The following LRCH1 variants were observed in gnomAD, a reference collection of about 807,000 sequenced individuals.
LRCH1 encodes the protein leucine rich repeats and calponin homology domain containing 1, also known as leucine-rich repeat and calponin homology domain-containing protein 1.
In LRCH1, 23 loss-of-function variants were observed where a neutral mutation model predicts 94.9. The ratio of observed to expected loss-of-function variants is 0.24; its 90% CI spans 0.17 to 0.34. The LOEUF (loss-of-function observed/expected upper bound fraction) is 0.34. Ranked by LOEUF, LRCH1 falls within the 10% of genes least tolerant of loss-of-function variation. The pLI, the probability that LRCH1 is intolerant of heterozygous loss-of-function variation, is 1.00. For synonymous variants in LRCH1, 364 were observed against 354.9 expected, an observed-to-expected ratio of 1.03 and a Z score of -0.29; for missense variants, 790 against 945.9, an observed-to-expected ratio of 0.84 and a Z score of 2.16.
chr13:46,602,763 G>A (rs2050641777), intron 1 of LRCH1, among the ~76,000 whole-genome samples: 1 of 152,036 alleles, frequency 6.6e-6, no homozygotes, highest in South Asian at 2.1e-4. Context: ...GACTAGATTG[G>A]GCAACATGGT....
chr13:46,670,415 C>G (rs1360978021), intron 3 of LRCH1, among the ~76,000 whole-genome samples: 3 of 152,170 alleles, frequency 2.0e-5, no homozygotes, highest in African/African-American at 7.2e-5. Context: ...CTCTTCCATA[C>G]AACGGCAGAG....
At chr13:46,570,917 G>T (rs940548952) in intron 1 of LRCH1, among the ~76,000 whole-genome samples, 1 of 152,192 alleles carries the variant, frequency 6.6e-6, no homozygotes, top group Non-Finnish European at 1.5e-5. Flanking sequence ...TTTTTAAATT[G>T]CTGTGTGGTT....
At chr13:46,741,051 T>G (rs1873627406) in intron 19 of LRCH1, among the ~76,000 whole-genome samples, 1 of 152,156 alleles carries the variant, frequency 6.6e-6, no homozygotes, top group Non-Finnish European at 1.5e-5. Flanking sequence ...TGCAAAAATA[T>G]GAAATGTAAT....
Position 46,705,265 on chromosome 13 carries a change from C to T in LRCH1, c.1491-3C>T. 1 of 1,612,030 alleles carries T rather than the reference C, an allele frequency of 6.2e-7. No individual in the cohort carries two copies. Among genetic ancestry groups the T allele is most frequent in the South Asian group, 1.1e-5 (1 of 90,594 alleles). On this transcript the variant is annotated splice_region_variant and splice_polypyrimidine_tract_variant and intron_variant, in intron 12 of 19. Coordinates refer to ENST00000389797, the MANE Select transcript of LRCH1 (RefSeq NM_001164211.2). Reference sequence around the variant, plus strand: ...CTTTTTTTTTCTTTCCTTGTTCTCACAGTGGTCAAATACAGCTGGAGACAT... The same window carrying T: ...CTTTTTTTTTCTTTCCTTGTTCTCATAGTGGTCAAATACAGCTGGAGACAT...
At chr13:46,685,878 CT>C (rs766841946) in intron 4 of LRCH1, 26 bp from the exon 5 acceptor site, 2 of 1,463,470 alleles carry the variant, frequency 1.4e-6, no homozygotes, top group Admixed American at 5.2e-5. Flanking sequence ...TTTTTTCTTT[CT>C]TTTTTTCTTT....
chr13:46,609,954 G>A (rs2050729701), intron 1 of LRCH1, among the ~76,000 whole-genome samples: 1 of 152,060 alleles, frequency 6.6e-6, no homozygotes, highest in African/African-American at 2.4e-5. Context: ...TGTGAATAAA[G>A]AAAAAAAGAT....
intron 16 of LRCH1, among the ~76,000 whole-genome samples, chr13:46,722,770 A>G (rs940028329): frequency 6.6e-6 from 1 of 152,250 alleles, no homozygotes; most frequent in African/African-American, 2.4e-5. Context: ...CAGGCTTACA[A>G]AAAACTTTAT....
intron 1 of LRCH1, among the ~76,000 whole-genome samples, chr13:46,648,623 A>AT (rs1416434596): frequency 2.6e-5 from 4 of 152,090 alleles, no homozygotes; most frequent in African/African-American, 9.7e-5. Context: ...TTCTGGAAGT[A>AT]TTTTTTTGTT....
chr13:46,741,369 T>C (rs917471621), intron 19 of LRCH1, among the ~76,000 whole-genome samples: 6 of 152,190 alleles, frequency 3.9e-5, no homozygotes, highest in Non-Finnish European at 5.9e-5. Context: ...AAAGGCAGAA[T>C]GATGTGTAAA....
chr13:46,724,675 A>G (rs933087663), intron 17 of LRCH1, among the ~76,000 whole-genome samples: 1 of 152,268 alleles, frequency 6.6e-6, no homozygotes, highest in African/African-American at 2.4e-5. Flanking sequence ...TTAACAGTAT[A>G]GGAATCAATC....
At chr13:46,679,218 G>GA (rs1359180862) in intron 3 of LRCH1, among the ~76,000 whole-genome samples, 3 of 152,200 alleles carry the variant, frequency 2.0e-5, no homozygotes, top group African/African-American at 7.2e-5. Flanking sequence ...ATCTGGTCAT[G>GA]AGTTCCATAG....
intron 1 of LRCH1, among the ~76,000 whole-genome samples, chr13:46,632,712 A>T (rs1294857506): frequency 6.6e-6 from 1 of 152,202 alleles, no homozygotes; most frequent in African/African-American, 2.4e-5. Flanking sequence ...AAAAAATATG[A>T]GCAACAATTA....
intron 11 of LRCH1, among the ~76,000 whole-genome samples, chr13:46,704,121 G>A (rs1004786971): frequency 2.2e-4 from 33 of 151,874 alleles, no homozygotes; most frequent in Admixed American, 7.9e-4. Context: ...ATTATAATAT[G>A]ACATCTAATT....
chr13:46,561,322 T>C (rs2050127609), intron 1 of LRCH1, among the ~76,000 whole-genome samples: 1 of 152,218 alleles, frequency 6.6e-6, no homozygotes, highest in African/African-American at 2.4e-5. Context: ...TTTGCTTTTT[T>C]CCCTCAGTCC....
intron 1 of LRCH1, among the ~76,000 whole-genome samples, chr13:46,573,159 TTTCCATCA>T (rs1251781479): frequency 3.3e-5 from 5 of 152,236 alleles, no homozygotes; most frequent in Non-Finnish European, 7.3e-5. Context: ...TCACTCTCTC[TTTCCATCA>T]TTAAACGCTG....
chr13:46,705,003 C>A, intron 11 of LRCH1, 65 bp from the exon 12 acceptor site: 1 of 848,466 alleles, frequency 1.2e-6, no homozygotes, highest in Non-Finnish European at 1.9e-6. Flanking sequence ...TGAATAAGAC[C>A]AATAGAATTT....
chr13:46,571,484 C>T (rs2050239959), intron 1 of LRCH1, among the ~76,000 whole-genome samples: 1 of 152,198 alleles, frequency 6.6e-6, no homozygotes, highest in Non-Finnish European at 1.5e-5. Context: ...TAGCTTTGCA[C>T]ACTGGGTTTT....
intron 1 of LRCH1, among the ~76,000 whole-genome samples, chr13:46,595,059 A>G (rs1037867083): frequency 1.3e-5 from 2 of 152,178 alleles, no homozygotes; most frequent in African/African-American, 2.4e-5. Flanking sequence ...GTAATTATTA[A>G]TACCATGATG....
chr13:46,724,038 G>C (rs1163581339), intron 17 of LRCH1, among the ~76,000 whole-genome samples: 1 of 151,898 alleles, frequency 6.6e-6, no homozygotes, highest in Non-Finnish European at 1.5e-5. Context: ...ACCCAGGCTG[G>C]AGTGCAGTCG....
Sources: gnomAD v4.1 joint callset for allele counts (sites outside exome capture counted in the v4.1 genomes callset) on GRCh38, gnomAD v4.1.1 for gene constraint, MANE v1.5 for transcripts, NCBI Gene and HGNC (gene_info 2026-07-23, HGNC 2026-07-21) for gene names.